ADAM12: variants seen among roughly 807,000 people sequenced by gnomAD.
The protein encoded by ADAM12 is disintegrin and metalloproteinase domain-containing protein 12.
In ADAM12, 70 loss-of-function variants were observed where a neutral mutation model predicts 106.4. That is an observed-to-expected ratio of 0.66 (90% CI 0.54 to 0.80). ADAM12 has a LOEUF of 0.80. Among genes scored for constraint, ADAM12 ranks in the 30% least tolerant of loss-of-function variants. The pLI, the probability that ADAM12 is intolerant of heterozygous loss-of-function variation, is 0.00. For synonymous variants in ADAM12, 420 were observed against 433.5 expected (o/e 0.97, Z 0.39); for missense variants, 1,010 against 1,171.9 (o/e 0.86, Z 2.02).
chr10:126,355,536 G>T (rs1002939192), intron 1 of ADAM12, among the ~76,000 whole-genome samples: 2 of 152,222 alleles, frequency 1.3e-5, no homozygotes, highest in African/African-American at 4.8e-5. Flanking sequence ...TGCATTGGAA[G>T]GGTAGGAGAA....
intron 14 of ADAM12, among the ~76,000 whole-genome samples, chr10:126,055,221 TG>T (rs1313326740): frequency 6.6e-6 from 1 of 152,186 alleles, no homozygotes; most frequent in African/African-American, 2.4e-5. Flanking sequence ...CAGCTGGTTC[TG>T]GGAACCCTCC....
chr10:126,188,563 A>G (rs1358625186), intron 3 of ADAM12, among the ~76,000 whole-genome samples: 1 of 152,186 alleles, frequency 6.6e-6, no homozygotes, highest in East Asian at 1.9e-4. Context: ...GTGAACTTAC[A>G]GCTCAGTGTT....
intron 11 of ADAM12, among the ~76,000 whole-genome samples, chr10:126,089,611 T>C (rs1373827903): frequency 6.6e-6 from 1 of 152,210 alleles, no homozygotes; most frequent in Non-Finnish European, 1.5e-5. Context: ...GAAGCTTCAA[T>C]GATGTCCCGC....
At chr10:126,364,430 G>A (rs1855844283) in intron 1 of ADAM12, among the ~76,000 whole-genome samples, 2 of 152,066 alleles carry the variant, frequency 1.3e-5, no homozygotes, top group African/African-American at 4.8e-5. Context: ...AAAGTCAACT[G>A]AATATCTACT....
At chr10:126,371,330 C>T (rs934340042) in intron 1 of ADAM12, among the ~76,000 whole-genome samples, 2 of 152,212 alleles carry the variant, frequency 1.3e-5, no homozygotes, top group African/African-American at 4.8e-5. Flanking sequence ...CACAGATAAA[C>T]CTGTCACCAG....
intron 3 of ADAM12, among the ~76,000 whole-genome samples, chr10:126,201,205 G>A (rs972566639): frequency 2.6e-5 from 4 of 152,140 alleles, no homozygotes; most frequent in African/African-American, 4.8e-5. Context: ...CCTACTTCCC[G>A]GCACCTGTGA....
chr10:126,084,966 T>C (rs1374130436), intron 11 of ADAM12, among the ~76,000 whole-genome samples: 1 of 152,236 alleles, frequency 6.6e-6, no homozygotes, highest in African/African-American at 2.4e-5. Context: ...GCTGTGACAA[T>C]GAAAGGAGAT....
intron 3 of ADAM12, among the ~76,000 whole-genome samples, chr10:126,236,581 A>G (rs1440251523): frequency 2.6e-5 from 4 of 152,112 alleles, no homozygotes; most frequent in Non-Finnish European, 5.9e-5. Context: ...GAGCTGAATG[A>G]GCACTCACAG....
At chr10:126,283,137 T>A (rs1959669392) in intron 2 of ADAM12, among the ~76,000 whole-genome samples, 3 of 152,016 alleles carry the variant, frequency 2.0e-5, no homozygotes, top group Non-Finnish European at 4.4e-5. Flanking sequence ...GGGTTTGTGC[T>A]CCTATGAGAA....
chr10:126,306,723 A>T (rs1205864047), intron 2 of ADAM12, among the ~76,000 whole-genome samples: 1 of 152,148 alleles, frequency 6.6e-6, no homozygotes, highest in Non-Finnish European at 1.5e-5. Context: ...TTTCTATTGA[A>T]ATGTCAACCA....
intron 20 of ADAM12, among the ~76,000 whole-genome samples, chr10:126,037,749 G>T (rs1239837236): frequency 6.6e-6 from 1 of 152,188 alleles, no homozygotes; most frequent in Non-Finnish European, 1.5e-5. Flanking sequence ...AGGGTGGACA[G>T]GGCTTCCTCA....
intron 12 of ADAM12, among the ~76,000 whole-genome samples, chr10:126,067,774 T>G (rs1348865265): frequency 6.6e-6 from 1 of 152,262 alleles, no homozygotes; most frequent in East Asian, 1.9e-4. Flanking sequence ...TTATCCAGTA[T>G]ATGATATGCT....
At chr10:126,071,841 G>A (rs1955000184) in intron 11 of ADAM12, among the ~76,000 whole-genome samples, 187 bp from the exon 12 acceptor site, 1 of 152,188 alleles carries the variant, frequency 6.6e-6, no homozygotes, top group African/African-American at 2.4e-5. Context: ...GTTCCATCCC[G>A]ACATCCATTC....
chr10:126,359,352 G>A (rs1855659925), intron 1 of ADAM12, among the ~76,000 whole-genome samples: 1 of 152,168 alleles, frequency 6.6e-6, no homozygotes. Flanking sequence ...AAAGGCAACA[G>A]TCCAAAGTCT....
At position 126,165,521 on chromosome 10, in the gene ADAM12, A is replaced by T. The variant is rs561042752; in HGVS notation, c.261-10216T>A. Reference sequence around the variant, plus strand: ...TTGAAAGAGACTCTGCAGGGTAAGGACTGTAATTGCCTGCTTGATAAGGAA... The same window carrying T: ...TTGAAAGAGACTCTGCAGGGTAAGGTCTGTAATTGCCTGCTTGATAAGGAA... On this transcript the variant is annotated intron_variant, in intron 3 of 22. Coordinates refer to ENST00000448723, the MANE Select transcript of ADAM12 (RefSeq NM_001288973.2). 2.0e-3 allele frequency among the ~76,000 whole-genome samples: 312 copies of T among 152,274 alleles called. 1 individual carries two copies. The highest frequency in any genetic ancestry group is 7.4e-3 in the African/African-American group (307 of 41,558).
intron 5 of ADAM12, among the ~76,000 whole-genome samples, chr10:126,132,034 G>A (rs1956314452): frequency 6.6e-6 from 1 of 151,098 alleles, no homozygotes; most frequent in Non-Finnish European, 1.5e-5. Context: ...GGAGTGCAGT[G>A]GTACAATCTC....
chr10:126,174,459 C>T (rs1023355317), intron 3 of ADAM12, among the ~76,000 whole-genome samples: 3 of 152,216 alleles, frequency 2.0e-5, no homozygotes, highest in African/African-American at 4.8e-5. Context: ...CCTCCCAGGC[C>T]GAGTTCAGGG....
At chr10:126,145,433 C>T (rs1213154144) in intron 4 of ADAM12, 2 of 152,372 alleles carry the variant, frequency 1.3e-5, no homozygotes, top group Non-Finnish European at 2.9e-5. Flanking sequence ...ATAACCAAGA[C>T]TCAGTGTTTT....
At chr10:126,038,712 C>G (rs1014019355) in intron 19 of ADAM12, among the ~76,000 whole-genome samples, 3 of 152,080 alleles carry the variant, frequency 2.0e-5, no homozygotes, top group Non-Finnish European at 4.4e-5. Flanking sequence ...ATAAAAATTA[C>G]TAATATAAGG....
Sources: gnomAD v4.1 joint callset for allele counts (sites outside exome capture counted in the v4.1 genomes callset) on GRCh38, gnomAD v4.1.1 for gene constraint, MANE v1.5 for transcripts, NCBI Gene and HGNC (gene_info 2026-07-23, HGNC 2026-07-21) for gene names.